AP3B2: variants seen among roughly 807,000 people sequenced by gnomAD.
The protein encoded by AP3B2 is AP-3 complex subunit beta-2.
In AP3B2, 50 loss-of-function variants were observed where a neutral mutation model predicts 126.9. The observed-to-expected ratio is 0.39, with a 90% confidence interval of 0.31 to 0.50. AP3B2 has a LOEUF of 0.50. AP3B2 is among the 20% of genes least tolerant of loss of function. AP3B2 has a pLI of 0.79. For missense variants in AP3B2, 1,177 were observed against 1,426.4 expected, an observed-to-expected ratio of 0.83 and a Z score of 2.82; for synonymous variants, 541 against 565.0, an observed-to-expected ratio of 0.96 and a Z score of 0.60.
intron 1 of AP3B2, among the ~76,000 whole-genome samples, chr15:82,698,353 A>C (rs184394538): frequency 1.2e-3 from 188 of 151,894 alleles, no homozygotes; most frequent in Non-Finnish European, 2.3e-3. Context: ...TACCACCAGG[A>C]GACCTCTCCC....
intron 1 of AP3B2, among the ~76,000 whole-genome samples, chr15:82,701,261 C>G (rs1037619097): frequency 6.6e-6 from 1 of 152,130 alleles, no homozygotes; most frequent in Admixed American, 6.5e-5. Context: ...GCTCAGTAAG[C>G]CTCCCCTCCC....
chr15:82,669,898 G>A (rs2048119403), intron 14 of AP3B2, among the ~76,000 whole-genome samples: 1 of 149,076 alleles, frequency 6.7e-6, no homozygotes, highest in Non-Finnish European at 1.5e-5. Context: ...CTACTCGGGA[G>A]GCTGAGGCAG....
At chr15:82,685,039 T>G (rs1233671016) in intron 4 of AP3B2, 1 of 152,168 alleles carries the variant, frequency 6.6e-6, no homozygotes. Flanking sequence ...TCTCAGGGAA[T>G]GAAGAGGCCC....
chr15:82,663,848 C>G lies in AP3B2; in HGVS notation c.2389G>C (p.Glu797Gln). ...SSSSESEMTS[E>Q]SEEEQLEPAS... ...GGTTCTAACTGCTCCTCCTCGGACT[C>G]CGATGTCATCTCGGACTCTGATGAG... is the stretch of plus-strand genomic sequence containing the variant. The change falls in exon 20 of 27, where the codon GAG (glutamate) becomes CAG (glutamine). Residue 797 changes from glutamate to glutamine, a missense_variant. Transcript: ENST00000535359. 6.2e-7 allele frequency: 1 copy of G among 1,613,928 alleles called. No homozygotes were observed. Among genetic ancestry groups the G allele is most frequent in the African/African-American group, 1.3e-5 (1 of 75,042 alleles).
intron 14 of AP3B2, among the ~76,000 whole-genome samples, chr15:82,670,884 G>T (rs1167479415): frequency 6.6e-6 from 1 of 152,196 alleles, no homozygotes; most frequent in Non-Finnish European, 1.5e-5. Context: ...TTAAAAATGG[G>T]CAAAAGAGCT....
chr15:82,664,108 A>G lies in AP3B2; in HGVS notation c.2262-133T>C. ...CAGGAGGGTTCACACCTGAGGTCCT[A>G]TAGCAGGGACCCCGTGAGAGCTTGA... On this transcript the variant is annotated intron_variant, in intron 19 of 26. Transcript: ENST00000535359. This position sits in a 1 kb window ranked among gnomAD's most constrained non-coding sequence, Gnocchi z 4.5. 1 of 1,410,156 alleles carries G rather than the reference A, an allele frequency of 7.1e-7. No individual in the cohort carries two copies. Among genetic ancestry groups the G allele is most frequent in the Non-Finnish European group, 9.3e-7 (1 of 1,070,180 alleles). 87.4% of individuals were successfully genotyped at this position (1,410,156 alleles called of 1,614,324 possible).
rs772742467 is a variant in AP3B2, at chr15:82,677,265, C to G, written c.1488+9G>C. 1 of 1,573,772 alleles carries G rather than the reference C, an allele frequency of 6.4e-7. No homozygotes were observed. Among genetic ancestry groups the G allele is most frequent in the Non-Finnish European group, 8.6e-7 (1 of 1,160,480 alleles). On this transcript the variant is annotated intron_variant, in intron 13 of 26. Transcript: ENST00000535359. The stretch of plus-strand genomic sequence containing the variant: ...GAAGTGGGGAGTGAAAATATGGCTT[C>G]TCCCTCACCTGGATGTTGTCTGTAA...
At chr15:82,688,262 A>G in intron 4 of AP3B2, 1 of 606,938 alleles carries the variant, frequency 1.6e-6, no homozygotes, top group Non-Finnish European at 2.9e-6. Flanking sequence ...GGAGACTTAT[A>G]CATGCACCTA....
chr15:82,661,680 A>T (rs1386523454), intron 25 of AP3B2, 145 bp downstream of exon 25: 2 of 654,182 alleles, frequency 3.1e-6, no homozygotes, highest in Non-Finnish European at 5.4e-6. Flanking sequence ...TCAAAGCCTA[A>T]AACATTTATC....
intron 1 of AP3B2, chr15:82,691,995 G>T: frequency 2.8e-6 from 4 of 1,452,964 alleles, no homozygotes; most frequent in Non-Finnish European, 3.8e-6. Flanking sequence ...CCAACTTCTC[G>T]CATGTGATCC....
rs1304104449 is a variant in AP3B2 at position 82,709,641 on chromosome 15, G to C, written c.66C>G (p.Tyr22Ter). The change falls in exon 1 of 27, where the codon TAC (tyrosine) becomes TAG (stop). Residue 22 changes from tyrosine to a stop codon, truncating the protein, a stop_gained. Coordinates refer to ENST00000535359, the MANE Select transcript of AP3B2 (RefSeq NM_001278512.2). LOFTEE classifies it high-confidence loss of function. Reference protein sequence around the residue: ...GGSAGPGEPEYGHDPASGGIF... With the variant: ...GGSAGPGEPE ...TGCCGCCGCTCGCGGGGTCGTGGCCGTACTCGGGCTCCCCGGGGCCAGCGG... is the reference window on the plus strand; with the variant it reads ...TGCCGCCGCTCGCGGGGTCGTGGCCCTACTCGGGCTCCCCGGGGCCAGCGG... 6.6e-7 allele frequency: 1 copy of C among 1,520,638 alleles called. No individual in the cohort carries two copies. Among genetic ancestry groups the C allele is most frequent in the Non-Finnish European group, 8.8e-7 (1 of 1,137,172 alleles). The allele number at this position is 1,520,638 out of a possible 1,614,324, so 94.2% of individuals were successfully genotyped here.
intron 21 of AP3B2, 89 bp downstream of exon 21, chr15:82,663,471 G>A (rs961604343): frequency 2.0e-5 from 29 of 1,448,288 alleles, no homozygotes; most frequent in Admixed American, 6.9e-5. Context: ...CACAAGACCT[G>A]AGGAACCCGA....
chr15:82,662,146 C>T (rs1226351194), intron 24 of AP3B2, 22 bp downstream of exon 24: 2 of 1,578,482 alleles, frequency 1.3e-6, no homozygotes, highest in Admixed American at 1.8e-5. Context: ...CCTCTCACCC[C>T]CACCTCGAGT....
chr15:82,696,094 T>C (rs2048625275), intron 1 of AP3B2, among the ~76,000 whole-genome samples: 1 of 152,156 alleles, frequency 6.6e-6, no homozygotes, highest in South Asian at 2.1e-4. Context: ...TTTCCTCTTC[T>C]TATAAAGAAA....
rs2048256622 is a variant in AP3B2 at position 82,677,201 on chromosome 15, T to C, written c.1488+73A>G. On this transcript the variant is annotated intron_variant, in intron 13 of 26. Transcript: ENST00000535359. The stretch of plus-strand genomic sequence containing the variant: ...GAAGTTACTTTTGATAAGGCTAGCA[T>C]ATGTAATTATACAGTCTTGAAATCA... 5.6e-6 allele frequency: 7 copies of C among 1,243,782 alleles called. No homozygotes were observed. The Admixed American group carries it at 1.2e-4, about 21-fold the overall frequency. The allele number at this position is 1,243,782 out of a possible 1,614,324, so 77.0% of individuals were successfully genotyped here.
At chr15:82,703,965 A>C (rs566951251) in intron 1 of AP3B2, among the ~76,000 whole-genome samples, 1 of 151,670 alleles carries the variant, frequency 6.6e-6, no homozygotes, top group African/African-American at 2.4e-5. Flanking sequence ...TAATCCTTCT[A>C]TCACCTCCTC....
rs1212632655 is a variant in AP3B2 at position 82,664,408 on chromosome 15, T to G, written c.2220A>C (p.Glu740Asp). The G allele has an allele frequency of 6.2e-7, 1 of 1,613,874 alleles. No homozygotes were observed. The highest frequency in any genetic ancestry group is 1.1e-5 in the South Asian group (1 of 91,068). Residue 740 changes from glutamate to aspartate, a missense_variant, in exon 19 of 27, where the codon GAA becomes GAC. Physicochemically the swap from Glu to Asp is conservative, Grantham distance 45. Coordinates refer to ENST00000535359, the MANE Select transcript of AP3B2 (RefSeq NM_001278512.2). The surrounding 1 kb of genome is among the most constrained non-coding windows in gnomAD (Gnocchi z 4.5). ...SGESSSESDN[E>D]DQDEDEEKGR... is the part of the protein sequence containing the mutation. Reference sequence around the variant, plus strand: ...CTTTCTCCTCATCCTCATCCTGGTCTTCATTGTCGGACTCACTGCTGGACT... The same window carrying G: ...CTTTCTCCTCATCCTCATCCTGGTCGTCATTGTCGGACTCACTGCTGGACT...
chr15:82,707,505 T>C (rs1262739683), intron 1 of AP3B2, among the ~76,000 whole-genome samples: 2 of 152,306 alleles, frequency 1.3e-5, no homozygotes, highest in African/African-American at 4.8e-5. Context: ...CAACTACTCA[T>C]ACATGCCCTG....
chr15:82,689,100 C>A (rs946800916), intron 3 of AP3B2, 58 bp downstream of exon 3: 2 of 1,585,304 alleles, frequency 1.3e-6, no homozygotes, highest in Admixed American at 1.7e-5. Context: ...TCACCCCAAG[C>A]TTGAGTGTGG....
Sources: allele counts gnomAD v4.1 joint callset (sites outside exome capture counted in the v4.1 genomes callset), GRCh38; gene constraint gnomAD v4.1.1; non-coding constraint Gnocchi (gnomAD v3.1); transcripts MANE v1.5; gene names NCBI Gene and HGNC (gene_info 2026-07-23, HGNC 2026-07-21).